The following EPHB1 variants were observed in gnomAD, a reference collection of about 807,000 sequenced individuals.
EPHB1 encodes the protein ephrin type-B receptor 1.
Under a neutral mutation model 94.4 loss-of-function variants are expected in EPHB1, and 30 were observed. The ratio of observed to expected loss-of-function variants is 0.32; its 90% CI spans 0.24 to 0.43. The LOEUF (loss-of-function observed/expected upper bound fraction) is 0.43. Ranked by LOEUF, EPHB1 falls within the 20% of genes least tolerant of loss-of-function variation. The pLI, the probability that EPHB1 is intolerant of heterozygous loss-of-function variation, is 1.00. For synonymous variants in EPHB1, 522 were observed against 489.1 expected (o/e 1.07, Z -0.89); for missense variants, 1,055 against 1,308.3 (o/e 0.81, Z 2.99).
At chr3:135,047,595 C>T (rs758197859) in intron 3 of EPHB1, among the ~76,000 whole-genome samples, 7 of 152,178 alleles carry the variant, frequency 4.6e-5, no homozygotes, top group African/African-American at 1.4e-4. Context: ...CAGAGGTCCC[C>T]GAGGCTGTGT....
intron 1 of EPHB1, among the ~76,000 whole-genome samples, chr3:134,810,557 G>A (rs1008050949): frequency 6.6e-6 from 1 of 152,154 alleles, no homozygotes. Flanking sequence ...TCTGGGAAAA[G>A]ACTGAGAGAA....
intron 4 of EPHB1, among the ~76,000 whole-genome samples, chr3:135,111,215 C>A (rs183616657): frequency 4.5e-4 from 69 of 152,216 alleles, no homozygotes; most frequent in African/African-American, 1.6e-3. Flanking sequence ...AAAATGCAGT[C>A]CCTGGACAAG....
chr3:134,830,159 G>A (rs539983345), intron 1 of EPHB1, among the ~76,000 whole-genome samples: 11 of 152,282 alleles, frequency 7.2e-5, no homozygotes, highest in African/African-American at 2.6e-4. Flanking sequence ...GCACACATAT[G>A]TGCCATATAT....
intron 3 of EPHB1, among the ~76,000 whole-genome samples, chr3:135,030,142 T>G (rs557208494): frequency 4.0e-5 from 6 of 151,776 alleles, no homozygotes; most frequent in Admixed American, 6.6e-5. Flanking sequence ...TTTTTCAAAG[T>G]TTTCAACTTC....
chr3:135,078,734 C>G (rs568703683), intron 3 of EPHB1, among the ~76,000 whole-genome samples: 2 of 152,340 alleles, frequency 1.3e-5, no homozygotes, highest in South Asian at 4.1e-4. Context: ...AAAGAGCGGC[C>G]TGGGCCTAAA....
intron 3 of EPHB1, among the ~76,000 whole-genome samples, chr3:135,021,097 C>T (rs1311899473): frequency 6.6e-6 from 1 of 152,154 alleles, no homozygotes; most frequent in Non-Finnish European, 1.5e-5. Context: ...AACTAAGCTA[C>T]ATCCTGGTTA....
chr3:134,923,608 C>T (rs1016092028), intron 1 of EPHB1, among the ~76,000 whole-genome samples: 6 of 152,202 alleles, frequency 3.9e-5, no homozygotes, highest in Non-Finnish European at 8.8e-5. Context: ...CAGCATTTCT[C>T]TTGTGGAGTG....
intron 2 of EPHB1, among the ~76,000 whole-genome samples, chr3:134,946,998 C>G (rs1451793098): frequency 6.6e-6 from 1 of 152,272 alleles, no homozygotes; most frequent in Middle Eastern, 3.4e-3. Context: ...TCCGTTGCAC[C>G]CCCGTGCTTG....
intron 12 of EPHB1, among the ~76,000 whole-genome samples, chr3:135,234,569 G>A (rs1576488609): frequency 6.6e-6 from 1 of 152,212 alleles, no homozygotes; most frequent in African/African-American, 2.4e-5. Context: ...TACTGTATTA[G>A]TCTGTTCTCA....
chr3:134,859,931 AT>A (rs2108303240), intron 1 of EPHB1, among the ~76,000 whole-genome samples: 1 of 151,882 alleles, frequency 6.6e-6, no homozygotes, highest in South Asian at 2.1e-4. Context: ...TATAATTTTC[AT>A]TTTTTGATGT....
At chr3:135,041,030 G>A (rs1936817846) in intron 3 of EPHB1, among the ~76,000 whole-genome samples, 1 of 152,160 alleles carries the variant, frequency 6.6e-6, no homozygotes, top group Non-Finnish European at 1.5e-5. Flanking sequence ...TCCCCTTAGA[G>A]GGGATTTTCT....
intron 5 of EPHB1, among the ~76,000 whole-genome samples, chr3:135,147,351 A>C (rs915537370): frequency 5.3e-5 from 8 of 152,240 alleles, no homozygotes; most frequent in African/African-American, 1.9e-4. Context: ...GTTGATTCCC[A>C]AGAGAAATGC....
intron 1 of EPHB1, among the ~76,000 whole-genome samples, chr3:134,809,265 AAAATGTACTT>A (rs1237572605): frequency 6.6e-6 from 1 of 152,202 alleles, no homozygotes; most frequent in African/African-American, 2.4e-5. Flanking sequence ...AGAGTGATCT[AAAATGTACTT>A]AGAGTTTATC....
intron 5 of EPHB1, among the ~76,000 whole-genome samples, chr3:135,152,067 C>A (rs1012349559): frequency 6.6e-6 from 1 of 152,146 alleles, no homozygotes; most frequent in South Asian, 2.1e-4. Context: ...CTTCCAAGCC[C>A]CAAGCCTAAG....
At chr3:135,016,719 G>T (rs1325582260) in intron 3 of EPHB1, among the ~76,000 whole-genome samples, 1 of 152,226 alleles carries the variant, frequency 6.6e-6, no homozygotes, top group African/African-American at 2.4e-5. Context: ...TGGCAGCGGG[G>T]TGCCAGTTCC....
intron 12 of EPHB1, among the ~76,000 whole-genome samples, chr3:135,217,432 A>C (rs1943174404): frequency 1.7e-5 from 1 of 60,028 alleles, no homozygotes; most frequent in African/African-American, 5.5e-5. Flanking sequence ...TACCACACAC[A>C]CACACACACA....
At chr3:135,120,775 C>A (rs376378909) in intron 4 of EPHB1, among the ~76,000 whole-genome samples, 68 of 152,314 alleles carry the variant, frequency 4.5e-4, no homozygotes, top group African/African-American at 1.5e-3. Context: ...GAATATTTAA[C>A]CCACAGTCAC....
Position 134,806,695 on chromosome 3 carries a change from A to T in EPHB1, c.58+11006A>T, listed in dbSNP as rs187866294. Among the ~76,000 whole-genome samples the T allele has an allele frequency of 1.7e-3, 254 of 152,336 alleles. 3 individuals carry two copies. The highest frequency in any genetic ancestry group is 5.0e-4 in the Non-Finnish European group (34 of 68,024). On this transcript the variant is annotated intron_variant, in intron 1 of 15. Transcript: ENST00000398015. ...TAGGGGAAGGGTGGGAAAGGGGTGG[A>T]GATATGATACCTCATTCATTCAACA...
intron 3 of EPHB1, among the ~76,000 whole-genome samples, chr3:135,053,023 GTGTGTATATATA>G (rs1264870148): frequency 1.0e-4 from 7 of 68,580 alleles, no homozygotes; most frequent in African/African-American, 4.0e-4. Flanking sequence ...ATGTGTGTGT[GTGTGTATATATA>G]TATATATATA....
Sources: allele counts gnomAD v4.1 joint callset (sites outside exome capture counted in the v4.1 genomes callset), GRCh38; gene constraint gnomAD v4.1.1; transcripts MANE v1.5; gene names NCBI Gene and HGNC (gene_info 2026-07-23, HGNC 2026-07-21).